Variants in SH3BP1 observed in about 807,000 individuals in gnomAD.
SH3BP1 encodes the protein SH3 domain binding protein 1.
In SH3BP1, 46 loss-of-function variants were observed where a neutral mutation model predicts 69.8. The ratio of observed to expected loss-of-function variants is 0.66; its 90% CI spans 0.52 to 0.84. The LOEUF (loss-of-function observed/expected upper bound fraction) is 0.84. SH3BP1 is among the 40% of genes least tolerant of loss of function. The probability of loss-of-function intolerance (pLI) is 0.00; values close to 1 mark genes in which losing one functional copy is unlikely to be tolerated. For missense variants in SH3BP1, 868 were observed against 930.9 expected, an observed-to-expected ratio of 0.93 and a Z score of 0.88; for synonymous variants, 403 against 378.0, an observed-to-expected ratio of 1.07 and a Z score of -0.77.
In SH3BP1 at chr22:37,655,852, C is replaced by G; in HGVS notation, c.*168C>G. On this transcript the variant is annotated 3_prime_UTR_variant, in exon 18 of 18. Coordinates refer to ENST00000649765, the MANE Select transcript of SH3BP1 (RefSeq NM_018957.6). The stretch of plus-strand genomic sequence containing the variant: ...ATGGCCAGGAGGGCTCAGGACAATC[C>G]TCTATTTCCTGACCTTTTCCTCGTC... The G allele has an allele frequency of 6.6e-7, 1 of 1,517,554 alleles. No homozygotes were observed. The allele number at this position is 1,517,554 out of a possible 1,614,324, so 94.0% of individuals were successfully genotyped here. A position where few individuals can be genotyped will look rare whatever the true frequency, so the allele number is the denominator to read the frequency against.
intron 16 of SH3BP1, among the ~76,000 whole-genome samples, chr22:37,652,643 G>C (rs529705395): frequency 4.8e-4 from 73 of 151,724 alleles, no homozygotes; most frequent in African/African-American, 1.7e-3. Context: ...GGCAAACATG[G>C]TGAAATCCCA....
At chr22:37,643,817 G>A in intron 7 of SH3BP1, 29 bp downstream of exon 7, 1 of 1,609,898 alleles carries the variant, frequency 6.2e-7, no homozygotes, top group Non-Finnish European at 8.5e-7. Flanking sequence ...CCCTGGATAT[G>A]TAGGGGTGGC....
At chr22:37,642,797 A>T (rs1314143180) in intron 4 of SH3BP1, 98 bp from the exon 5 acceptor site, 3 of 1,592,720 alleles carry the variant, frequency 1.9e-6, no homozygotes, top group East Asian at 2.2e-5. Context: ...AAGGATATCT[A>T]GGAGGGGCCG....
At chr22:37,645,657 C>T (rs1932774181) in intron 10 of SH3BP1, 147 bp downstream of exon 10, 6 of 874,626 alleles carry the variant, frequency 6.9e-6, no homozygotes, top group Non-Finnish European at 1.0e-5. Context: ...CCTGCGGCAT[C>T]CACACTACCT....
At chr22:37,640,904 T>G in intron 1 of SH3BP1, 1 of 587,792 alleles carries the variant, frequency 1.7e-6, no homozygotes, top group South Asian at 2.0e-5. Context: ...GACACAGCCC[T>G]GGGTGGAGGA....
At chr22:37,646,622 C>T in intron 10 of SH3BP1, 196 bp from the exon 11 acceptor site, 3 of 419,802 alleles carry the variant, frequency 7.1e-6, no homozygotes, top group South Asian at 7.0e-5. Context: ...CCAGACTTCC[C>T]AGCCCTGCCC....
intron 16 of SH3BP1, among the ~76,000 whole-genome samples, chr22:37,651,511 G>A (rs946388006): frequency 6.6e-6 from 1 of 151,646 alleles, no homozygotes; most frequent in African/African-American, 2.4e-5. Context: ...TGTATTTTCA[G>A]TAGAGACAGG....
chr22:37,655,231 C>G lies in SH3BP1; in HGVS notation c.1694-41C>G, dbSNP rs779340541. On this transcript the variant is annotated intron_variant, in intron 17 of 17. Transcript: ENST00000649765. ...AGCTTGGTGGATTCACCACAGGCCA[C>G]GTGGACACTCAGCCTCCCTCACCCT... 1.7e-5 allele frequency: 25 copies of G among 1,484,594 alleles called. No individual in the cohort carries two copies. The South Asian group carries it at 2.9e-4, about 17-fold the overall frequency. The allele number at this position is 1,484,594 out of a possible 1,614,324, so 92.0% of individuals were successfully genotyped here.
intron 4 of SH3BP1, 96 bp from the exon 5 acceptor site, chr22:37,642,799 G>A (rs1394441461): frequency 6.3e-7 from 1 of 1,593,974 alleles, no homozygotes; most frequent in Non-Finnish European, 8.5e-7. Context: ...GGATATCTAG[G>A]AGGGGCCGGA....
In SH3BP1 at chr22:37,650,171, G is replaced by A; in HGVS notation, c.1336G>A (p.Ala446Thr). 6.2e-7 allele frequency: 1 copy of A among 1,614,130 alleles called. No homozygotes were observed. Among genetic ancestry groups the A allele is most frequent in the Non-Finnish European group, 8.5e-7 (1 of 1,180,030 alleles). ...TCCCAGGGACCAGGCCCAGCTGGAT[G>A]CAGCCTCCGTGTCTTCCATCCAGGT... ...EKEGDQAQLDAASVSSIQVVG... is the reference protein window; with the variant it reads ...EKEGDQAQLDTASVSSIQVVG... The change falls in exon 15 of 18, where the codon GCA becomes ACA. Residue 446 changes from alanine (A) to threonine (T), a missense_variant. Transcript: ENST00000649765.
intron 16 of SH3BP1, among the ~76,000 whole-genome samples, chr22:37,652,860 G>C (rs570690356): frequency 2.7e-5 from 4 of 150,924 alleles, no homozygotes. Context: ...AAATGGCCGG[G>C]TGTGGTGGCT....
Position 37,655,349 on chromosome 22 carries a change from C to T in SH3BP1, c.1771C>T (p.Pro591Ser). ...CTCCCGCTCCTCCCCTCCAGCCCCGCCCTTGCCCCCTGGCTCTGGCAGCCC... is the reference window on the plus strand; with the variant it reads ...CTCCCGCTCCTCCCCTCCAGCCCCGTCCTTGCCCCCTGGCTCTGGCAGCCC... ...SGSRSSPPAP[P>S]LPPGSGSPGT... is the part of the protein sequence containing the mutation. Residue 591 changes from proline to serine, a missense_variant, in exon 18 of 18, where the codon CCC becomes TCC. Pro to Ser is a moderately conservative substitution (Grantham distance 74, BLOSUM62 -1). Around this residue, in one of 3 missense-constraint regions of SH3BP1, gnomAD observed 474 missense variants for 462.3 expected, o/e 1.03. Transcript: ENST00000649765. 1.4e-6 allele frequency: 2 copies of T among 1,465,436 alleles called. No individual in the cohort carries two copies. The highest frequency in any genetic ancestry group is 1.8e-6 in the Non-Finnish European group (2 of 1,093,374). 90.8% of individuals were successfully genotyped at this position (1,465,436 alleles called of 1,614,324 possible). A position where few individuals can be genotyped will look rare whatever the true frequency, so the allele number is the denominator to read the frequency against.
chr22:37,645,357 C>A lies in SH3BP1; in HGVS notation c.779-8C>A, dbSNP rs759180164. On this transcript the variant is annotated splice_polypyrimidine_tract_variant and splice_region_variant and intron_variant, in intron 9 of 17. Transcript: ENST00000649765. ...GCCCTGGGCCGCTGATCTGTTTCAT[C>A]CCTGCAGACCACTCCCCTTCGATGA... is the stretch of plus-strand genomic sequence containing the variant. 1 of 1,599,884 alleles carries A rather than the reference C, an allele frequency of 6.3e-7. No individual in the cohort carries two copies. Among genetic ancestry groups the A allele is most frequent in the Non-Finnish European group, 8.6e-7 (1 of 1,168,996 alleles).
In SH3BP1 at chr22:37,648,446, G is replaced by C; in HGVS notation, c.1316+11G>C. 4 of 1,521,002 alleles carry C rather than the reference G, an allele frequency of 2.6e-6. No individual in the cohort carries two copies. Among genetic ancestry groups the C allele is most frequent in the Non-Finnish European group, 3.6e-6 (4 of 1,114,710 alleles). 94.2% of individuals were successfully genotyped at this position (1,521,002 alleles called of 1,614,324 possible). A position where few individuals can be genotyped will look rare whatever the true frequency, so the allele number is the denominator to read the frequency against. ...ACCTGAGAAAGAAGGGTGAGGGGCC[G>C]CGGGCTGGGGGAGGTGGCAGGAGGA... On this transcript the variant is annotated intron_variant, in intron 14 of 17. Transcript: ENST00000649765.
At chr22:37,654,784 A>G (rs561542620) in intron 17 of SH3BP1, among the ~76,000 whole-genome samples, 56 of 152,162 alleles carry the variant, frequency 3.7e-4, no homozygotes, top group Middle Eastern at 3.4e-3. Context: ...CCTCGTGACC[A>G]GGGCTGGTAG....
intron 10 of SH3BP1, 152 bp downstream of exon 10, chr22:37,645,662 C>T: frequency 1.2e-6 from 1 of 853,592 alleles, no homozygotes; most frequent in South Asian, 1.8e-5. Flanking sequence ...GGCATCCACA[C>T]TACCTCCCCC....
Position 37,639,703 on chromosome 22 carries a change from C to A in SH3BP1, c.-85C>A. On this transcript the variant is annotated 5_prime_UTR_variant, in exon 1 of 18. Transcript: ENST00000649765. ...GCCCACCCATCCGGGGCAAGAGCCG[C>A]GCCGCAGGAGAGGCAGGCTGGACCG... The A allele has an allele frequency of 2.4e-6, 2 of 839,542 alleles. No individual in the cohort carries two copies. Among genetic ancestry groups the A allele is most frequent in the East Asian group, 3.4e-5 (1 of 29,786 alleles). The allele number at this position is 839,542 out of a possible 1,614,324, so 52.0% of individuals were successfully genotyped here.
Position 37,650,675 on chromosome 22 carries a change from T to G in SH3BP1, c.1548T>G (p.Ala516=). 2.5e-6 allele frequency: 4 copies of G among 1,613,358 alleles called. No individual in the cohort carries two copies. Among genetic ancestry groups the G allele is most frequent in the Non-Finnish European group, 3.4e-6 (4 of 1,179,706 alleles). The part of the protein sequence containing the change: ...TPATTPAPAP[A]PAPAPAPALA... The stretch of plus-strand genomic sequence containing the variant: ...CCACCACCCCGGCTCCGGCTCCGGC[T>G]CCAGCTCCAGCTCCGGCCCCAGCCT... The change falls in exon 16 of 18, where the codon GCT becomes GCG. Residue 516 remains alanine (A), a synonymous_variant. Coordinates refer to ENST00000649765, the MANE Select transcript of SH3BP1 (RefSeq NM_018957.6).
chr22:37,643,277 T>G, intron 6 of SH3BP1, 103 bp downstream of exon 6: 2 of 1,024,568 alleles, frequency 2.0e-6, no homozygotes, highest in Non-Finnish European at 1.5e-6. Context: ...CTGTGGGGTC[T>G]GCTGAGTACA....
Sources: gnomAD v4.1 joint callset for allele counts (sites outside exome capture counted in the v4.1 genomes callset) on GRCh38, gnomAD v4.1.1 for gene constraint, gnomAD v4.1.1 regional missense constraint, MANE v1.5 for transcripts, NCBI Gene and HGNC (gene_info 2026-07-23, HGNC 2026-07-21) for gene names.